The following TNPO1 variants were observed in gnomAD, a reference collection of about 807,000 sequenced individuals.
TNPO1 encodes transportin-1.
Under a neutral mutation model 119.5 loss-of-function variants are expected in TNPO1, and 8 were observed. That is an observed-to-expected ratio of 0.07 (90% CI 0.04 to 0.12). The LOEUF (loss-of-function observed/expected upper bound fraction) is 0.12, where lower values mean the gene tolerates loss of function less well. TNPO1 is among the 10% of genes least tolerant of loss of function. The pLI, the probability that TNPO1 is intolerant of heterozygous loss-of-function variation, is 1.00. For missense variants in TNPO1, 576 were observed against 1,089.8 expected (o/e 0.53, Z 6.64); for synonymous variants, 362 against 363.0 (o/e 1.00, Z 0.03).
In TNPO1 at chr5:72,893,400, A is replaced by G. The variant is rs1454641840; in HGVS notation, c.1920A>G (p.Gln640=). ...AGCTAAACAATGCTCAACCAGATCAATATGAAGCTCCAGATAAAGATTTTA... is the reference window on the plus strand; with the variant it reads ...AGCTAAACAATGCTCAACCAGATCAGTATGAAGCTCCAGATAAAGATTTTA... The part of the protein sequence containing the change: ...QAMLNNAQPD[Q]YEAPDKDFMI... Residue 640 remains glutamine (Q), a synonymous_variant, in exon 17 of 25, where the codon CAA becomes CAG. Transcript: ENST00000337273. 2 of 1,614,048 alleles carry G rather than the reference A, an allele frequency of 1.2e-6. No individual in the cohort carries two copies. Among genetic ancestry groups the G allele is most frequent in the Non-Finnish European group, 8.5e-7 (1 of 1,179,992 alleles).
rs767828612 is a variant in TNPO1, at chr5:72,913,659, A to G, written c.*4986A>G. On this transcript the variant is annotated 3_prime_UTR_variant, in exon 25 of 25. Coordinates refer to ENST00000337273, the MANE Select transcript of TNPO1 (RefSeq NM_002270.4). ...GGCTTGGTATTATTCAAGATTAGCT[A>G]TTTCGCTGGTATTACATCTTTTTAA... The G allele has an allele frequency of 6.6e-6, 1 of 152,486 alleles. No individual in the cohort carries two copies. Among genetic ancestry groups the G allele is most frequent in the Non-Finnish European group, 1.5e-5 (1 of 67,944 alleles). The allele number at this position is 152,486 out of a possible 1,614,324, so 9.4% of individuals were successfully genotyped here. A position where few individuals can be genotyped will look rare whatever the true frequency, so the allele number is the denominator to read the frequency against.
chr5:72,907,382 TA>T, intron 24 of TNPO1, among the ~76,000 whole-genome samples: 1 of 152,210 alleles, frequency 6.6e-6, no homozygotes, highest in East Asian at 1.9e-4. Context: ...TAATTAGAGC[TA>T]AAAGTAGATC....
chr5:72,832,575 G>T (rs1744521984), intron 1 of TNPO1, among the ~76,000 whole-genome samples: 1 of 152,170 alleles, frequency 6.6e-6, no homozygotes, highest in Admixed American at 6.5e-5. Flanking sequence ...GATATGGAGT[G>T]TCTGAGTCTT....
At chr5:72,871,438 A>C (rs192853193) in intron 6 of TNPO1, among the ~76,000 whole-genome samples, 2 of 152,310 alleles carry the variant, frequency 1.3e-5, no homozygotes, top group Admixed American at 1.3e-4. Flanking sequence ...ACCAAAAATC[A>C]ACTGTTTTTG....
chr5:72,824,586 C>T (rs541338546), intron 1 of TNPO1, among the ~76,000 whole-genome samples: 40 of 152,300 alleles, frequency 2.6e-4, no homozygotes, highest in African/African-American at 5.8e-4. Flanking sequence ...CCTTCGAGGA[C>T]GTCACACGTT....
At chr5:72,852,877 T>C (rs1745686904) in intron 3 of TNPO1, among the ~76,000 whole-genome samples, 1 of 152,258 alleles carries the variant, frequency 6.6e-6, no homozygotes, top group Non-Finnish European at 1.5e-5. Context: ...ATTCCTAGTT[T>C]GATATTTGCG....
At position 72,912,948 on chromosome 5, in the gene TNPO1, A is replaced by T. The variant is rs1434868576; in HGVS notation, c.*4275A>T. On this transcript the variant is annotated 3_prime_UTR_variant, in exon 25 of 25. Transcript: ENST00000337273. ...TTCCTTTGATAATACTTCAAAACATACACAGCTTTGCTTACTGAATTATTT... is the reference window on the plus strand; with the variant it reads ...TTCCTTTGATAATACTTCAAAACATTCACAGCTTTGCTTACTGAATTATTT... The T allele has an allele frequency of 1.3e-5, 2 of 152,524 alleles. No homozygotes were observed. Among genetic ancestry groups the T allele is most frequent in the African/African-American group, 4.8e-5 (2 of 41,442 alleles). The allele number at this position is 152,524 out of a possible 1,614,324, so 9.4% of individuals were successfully genotyped here. A position where few individuals can be genotyped will look rare whatever the true frequency, so the allele number is the denominator to read the frequency against.
intron 6 of TNPO1, among the ~76,000 whole-genome samples, chr5:72,869,151 G>A (rs1747180042): frequency 6.6e-6 from 1 of 151,882 alleles, no homozygotes; most frequent in Admixed American, 6.6e-5. Context: ...AAAAATTTTG[G>A]GTAACGTTAC....
At chr5:72,890,755 A>G (rs1355649942) in intron 14 of TNPO1, among the ~76,000 whole-genome samples, 1 of 152,092 alleles carries the variant, frequency 6.6e-6, no homozygotes, top group Non-Finnish European at 1.5e-5. Context: ...AATGATTTTA[A>G]GTTTGTTTTT....
chr5:72,877,403 C>A, intron 9 of TNPO1, 57 bp downstream of exon 9: 1 of 816,738 alleles, frequency 1.2e-6, no homozygotes, highest in East Asian at 2.7e-5. Flanking sequence ...AGTGATTCTT[C>A]ATTTTCATAT....
rs1004883429 is a variant in TNPO1 at position 72,881,533 on chromosome 5, G to A, written c.921-934G>A. On this transcript the variant is annotated intron_variant, in intron 9 of 24. Transcript: ENST00000337273. ...GGGGAAATTTACACTCCCCTAGGGG[G>A]ATTGTTGGCTATAGAAATCTGTGGT... Among the ~76,000 whole-genome samples, 7 of 152,186 alleles carry A rather than the reference G, an allele frequency of 4.6e-5. No individual in the cohort carries two copies. In the South Asian group the frequency reaches 1.0e-3, roughly 22 times the overall value.
chr5:72,848,208 C>G, intron 1 of TNPO1, 177 bp from the exon 2 acceptor site: 1 of 1,245,610 alleles, frequency 8.0e-7, no homozygotes, highest in Non-Finnish European at 1.0e-6. Flanking sequence ...AGCAGTTCCG[C>G]CGGGTTTCAC....
chr5:72,884,649 T>C (rs1748487899), intron 11 of TNPO1, among the ~76,000 whole-genome samples: 1 of 152,244 alleles, frequency 6.6e-6, no homozygotes, highest in Non-Finnish European at 1.5e-5. Flanking sequence ...CCTAAACACC[T>C]GTGTTCTGAT....
chr5:72,893,296 T>C (rs764053215), intron 16 of TNPO1, 50 bp downstream of exon 16: 1 of 1,604,744 alleles, frequency 6.2e-7, no homozygotes, highest in South Asian at 1.1e-5. Flanking sequence ...GACATTTTTC[T>C]AAAGATAGGT....
At chr5:72,906,703 A>G (rs1027067256) in intron 24 of TNPO1, among the ~76,000 whole-genome samples, 1 of 152,166 alleles carries the variant, frequency 6.6e-6, no homozygotes, top group African/African-American at 2.4e-5. Flanking sequence ...TGGGACTAGC[A>G]GTTCTCATCT....
At chr5:72,847,639 G>T (rs1745191408) in intron 1 of TNPO1, among the ~76,000 whole-genome samples, 1 of 152,124 alleles carries the variant, frequency 6.6e-6, no homozygotes, top group Non-Finnish European at 1.5e-5. Context: ...CTTACTTTTG[G>T]AATGTAGTTA....
chr5:72,866,932 T>C (rs761204983), intron 6 of TNPO1, among the ~76,000 whole-genome samples: 32 of 152,078 alleles, frequency 2.1e-4, no homozygotes, highest in Non-Finnish European at 3.5e-4. Context: ...CACAGCGCTT[T>C]GGGAGGCTGA....
chr5:72,865,521 A>G (rs1309436336), intron 5 of TNPO1, 75 bp from the exon 6 acceptor site: 2 of 1,492,130 alleles, frequency 1.3e-6, no homozygotes, highest in African/African-American at 2.8e-5. Context: ...ATACAAATTA[A>G]TCAGCATTCT....
At chr5:72,854,213 G>A (rs887007803) in intron 3 of TNPO1, among the ~76,000 whole-genome samples, 1 of 152,114 alleles carries the variant, frequency 6.6e-6, no homozygotes, top group Non-Finnish European at 1.5e-5. Flanking sequence ...GAATTTAAAG[G>A]TATTTTTGTT....
Sources: allele counts gnomAD v4.1 joint callset (sites outside exome capture counted in the v4.1 genomes callset), GRCh38; gene constraint gnomAD v4.1.1; transcripts MANE v1.5; gene names NCBI Gene and HGNC (gene_info 2026-07-23, HGNC 2026-07-21).